CACNA2D3: variants seen among roughly 807,000 people sequenced by gnomAD.
CACNA2D3 encodes voltage-dependent calcium channel subunit alpha-2/delta-3.
In CACNA2D3, 60 loss-of-function variants were observed where a neutral mutation model predicts 160.6. The ratio of observed to expected loss-of-function variants is 0.37; its 90% CI spans 0.30 to 0.46. CACNA2D3 has a LOEUF of 0.46. CACNA2D3 is among the 20% of genes least tolerant of loss of function. CACNA2D3 has a pLI of 1.00. For missense variants in CACNA2D3, 1,205 were observed against 1,365.0 expected (o/e 0.88, Z 1.85); for synonymous variants, 558 against 492.9 (o/e 1.13, Z -1.75).
chr3:54,695,975 G>T (rs1700657155), intron 11 of CACNA2D3, among the ~76,000 whole-genome samples: 1 of 152,036 alleles, frequency 6.6e-6, no homozygotes. Flanking sequence ...AAAGGCCTTG[G>T]TTTTCTTATT....
At position 54,570,026 on chromosome 3, in the gene CACNA2D3, C is replaced by A. The variant is rs1702469087; in HGVS notation, c.810C>A (p.Leu270=). The A allele has an allele frequency of 6.2e-7, 1 of 1,613,994 alleles. No homozygotes were observed. The highest frequency in any genetic ancestry group is 8.5e-7 in the Non-Finnish European group (1 of 1,179,842). Residue 270 remains leucine, a synonymous_variant, in exon 8 of 38, where the codon CTC becomes CTA. Transcript: ENST00000474759. ...ACGTCAGTGGCAGCATGAAAGGACT[C>A]CGTCTGACTATCGCGAAGCAAACAG... ...LVDVSGSMKG[L]RLTIAKQTVS...
At chr3:54,783,697 T>G (rs905903493) in intron 13 of CACNA2D3, among the ~76,000 whole-genome samples, 2 of 152,146 alleles carry the variant, frequency 1.3e-5, no homozygotes, top group East Asian at 3.8e-4. Flanking sequence ...TCCCATAGCC[T>G]TGGCAACCCA....
At chr3:54,133,566 G>T (rs1699759717) in intron 2 of CACNA2D3, among the ~76,000 whole-genome samples, 1 of 152,202 alleles carries the variant, frequency 6.6e-6, no homozygotes, top group South Asian at 2.1e-4. Flanking sequence ...TAGTCTTGTT[G>T]CTTGGGCATT....
At chr3:55,016,003 C>T (rs1234037661) in intron 34 of CACNA2D3, among the ~76,000 whole-genome samples, 1 of 152,192 alleles carries the variant, frequency 6.6e-6, no homozygotes, top group African/African-American at 2.4e-5. Context: ...GAGGTTCTCA[C>T]ATTTTTTGGT....
intron 4 of CACNA2D3, among the ~76,000 whole-genome samples, chr3:54,463,062 TG>T (rs1390216929): frequency 6.6e-6 from 1 of 152,066 alleles, no homozygotes; most frequent in Non-Finnish European, 1.5e-5. Context: ...TATGAAATTC[TG>T]GGTTGAAAAT....
intron 2 of CACNA2D3, among the ~76,000 whole-genome samples, chr3:54,224,399 G>C (rs941528019): frequency 6.6e-6 from 1 of 151,978 alleles, no homozygotes; most frequent in Non-Finnish European, 1.5e-5. Flanking sequence ...TGTACTGTAC[G>C]TAACTATATG....
At chr3:54,691,368 G>T (rs1272386744) in intron 11 of CACNA2D3, among the ~76,000 whole-genome samples, 1 of 152,134 alleles carries the variant, frequency 6.6e-6, no homozygotes, top group Non-Finnish European at 1.5e-5. Context: ...CTTCCCAATG[G>T]CTCGAAGACT....
chr3:54,934,319 A>AT (rs1443806399), intron 27 of CACNA2D3, among the ~76,000 whole-genome samples: 1 of 152,208 alleles, frequency 6.6e-6, no homozygotes, highest in African/African-American at 2.4e-5. Context: ...GTGAGAACAT[A>AT]GTTCCCTCTT....
At chr3:55,012,068 C>T (rs75266676) in intron 34 of CACNA2D3, among the ~76,000 whole-genome samples, 3,925 of 152,326 alleles carry the variant, frequency 0.026, 77 homozygotes, top group Non-Finnish European at 0.042. Context: ...CTCTGAGAGG[C>T]CGGAGCGGCT....
chr3:54,152,333 A>T (rs1191467055), intron 2 of CACNA2D3, among the ~76,000 whole-genome samples: 1 of 152,236 alleles, frequency 6.6e-6, no homozygotes, highest in African/African-American at 2.4e-5. Context: ...CTGTTTCTTT[A>T]AAAGCTGCAT....
intron 13 of CACNA2D3, among the ~76,000 whole-genome samples, chr3:54,798,381 A>G (rs1003298555): frequency 1.3e-5 from 2 of 151,916 alleles, no homozygotes; most frequent in South Asian, 4.1e-4. Context: ...AAAAATACCA[A>G]AAAAAATAGC....
intron 25 of CACNA2D3, among the ~76,000 whole-genome samples, chr3:54,894,340 G>A (rs1208312120): frequency 6.6e-6 from 1 of 152,114 alleles, no homozygotes; most frequent in Non-Finnish European, 1.5e-5. Context: ...GGGCTAATGG[G>A]GATCAAGTGC....
chr3:54,549,642 C>T (rs1702123699), intron 5 of CACNA2D3, among the ~76,000 whole-genome samples: 1 of 152,186 alleles, frequency 6.6e-6, no homozygotes, highest in Admixed American at 6.5e-5. Context: ...CACATGCCCC[C>T]AGCTGCAGCC....
intron 13 of CACNA2D3, among the ~76,000 whole-genome samples, chr3:54,783,333 C>T (rs913157044): frequency 1.3e-5 from 2 of 152,050 alleles, no homozygotes; most frequent in South Asian, 2.1e-4. Flanking sequence ...CAGCCGGGCA[C>T]GGTGGCTCAC....
intron 2 of CACNA2D3, among the ~76,000 whole-genome samples, chr3:54,210,993 A>G (rs755516989): frequency 6.6e-6 from 1 of 152,200 alleles, no homozygotes; most frequent in Non-Finnish European, 1.5e-5. Context: ...GAGGTAGTAT[A>G]TATATGTCTT....
At chr3:54,245,223 T>TA (rs1702049439) in intron 2 of CACNA2D3, among the ~76,000 whole-genome samples, 4 of 151,750 alleles carry the variant, frequency 2.6e-5, no homozygotes, top group Non-Finnish European at 4.4e-5. Context: ...TATTTTTTTT[T>TA]TAAAAAATTT....
intron 14 of CACNA2D3, among the ~76,000 whole-genome samples, chr3:54,819,378 G>C (rs575055281): frequency 6.6e-6 from 1 of 152,078 alleles, no homozygotes; most frequent in African/African-American, 2.4e-5. Context: ...TTCTTATTAC[G>C]ACTTGGCTTG....
intron 13 of CACNA2D3, among the ~76,000 whole-genome samples, chr3:54,802,611 G>A (rs1703018063): frequency 1.3e-5 from 2 of 152,142 alleles, no homozygotes; most frequent in African/African-American, 4.8e-5. Context: ...TATGAAAATA[G>A]TAGTCCTCTG....
At chr3:54,925,475 C>A (rs1344448460) in intron 27 of CACNA2D3, among the ~76,000 whole-genome samples, 1 of 152,000 alleles carries the variant, frequency 6.6e-6, no homozygotes, top group Non-Finnish European at 1.5e-5. Flanking sequence ...TCTTCTGATT[C>A]GGAAGATGGA....
Sources: allele counts gnomAD v4.1 joint callset (sites outside exome capture counted in the v4.1 genomes callset), GRCh38; gene constraint gnomAD v4.1.1; transcripts MANE v1.5; gene names NCBI Gene and HGNC (gene_info 2026-07-23, HGNC 2026-07-21).